The following PLCL2 variants were observed in gnomAD, a reference collection of about 807,000 sequenced individuals.
The protein encoded by PLCL2 is phospholipase C like 2, also known as inactive phospholipase C-like protein 2.
In PLCL2, 4 loss-of-function variants were observed where a neutral mutation model predicts 79.6. That is an observed-to-expected ratio of 0.05 (90% CI 0.02 to 0.11). PLCL2 has a LOEUF of 0.11. PLCL2 is among the 10% of genes least tolerant of loss of function. The probability of loss-of-function intolerance (pLI) is 1.00; values close to 1 mark genes in which losing one functional copy is unlikely to be tolerated. For missense variants in PLCL2, 895 were observed against 1,291.0 expected (o/e 0.69, Z 4.70); for synonymous variants, 484 against 457.7 (o/e 1.06, Z -0.73).
Position 17,012,091 on chromosome 3 carries a change from C to G in PLCL2, c.2745C>G (p.Thr915=). 6.2e-7 allele frequency: 1 copy of G among 1,614,106 alleles called. No homozygotes were observed. The highest frequency in any genetic ancestry group is 1.3e-5 in the African/African-American group (1 of 75,048). The change falls in exon 2 of 6, where the codon ACC becomes ACG. Residue 915 remains threonine, a synonymous_variant. Transcript: ENST00000615277. Reference sequence around the variant, plus strand: ...CTTTGAGAACACTGTGGATTAAAACCGTGGATGAGGTATTCAAGAATGCCC... The same window carrying G: ...CTTTGAGAACACTGTGGATTAAAACGGTGGATGAGGTATTCAAGAATGCCC... The part of the protein sequence containing the change: ...YASLRTLWIK[T]VDEVFKNAQP...
chr3:17,008,910 T>C (rs2064291488), intron 1 of PLCL2, among the ~76,000 whole-genome samples: 1 of 152,132 alleles, frequency 6.6e-6, no homozygotes, highest in African/African-American at 2.4e-5. Context: ...CTCAATCTCC[T>C]GGGCTCAAGC....
intron 1 of PLCL2, among the ~76,000 whole-genome samples, chr3:16,946,887 G>T (rs1039883836): frequency 3.3e-4 from 50 of 149,356 alleles, no homozygotes; most frequent in African/African-American, 1.2e-3. Context: ...ATCAGGGAGA[G>T]CTTTTCTTTT....
intron 1 of PLCL2, among the ~76,000 whole-genome samples, chr3:16,999,184 T>G (rs1393053533): frequency 6.6e-6 from 1 of 152,142 alleles, no homozygotes; most frequent in Non-Finnish European, 1.5e-5. Context: ...CCTATGGGTG[T>G]GGGGATGCAG....
At chr3:16,958,845 A>T (rs1389929319) in intron 1 of PLCL2, among the ~76,000 whole-genome samples, 3 of 152,242 alleles carry the variant, frequency 2.0e-5, no homozygotes, top group Non-Finnish European at 4.4e-5. Context: ...CTGCCAGATC[A>T]GGCTGCTGGT....
chr3:16,923,778 A>C (rs1559486865), intron 1 of PLCL2, among the ~76,000 whole-genome samples: 2 of 152,104 alleles, frequency 1.3e-5, no homozygotes, highest in South Asian at 2.1e-4. Flanking sequence ...GTGTCCTACC[A>C]GTTTCTTAGA....
intron 1 of PLCL2, among the ~76,000 whole-genome samples, chr3:16,922,752 GA>G (rs1697152828): frequency 1.4e-5 from 2 of 141,412 alleles, no homozygotes; most frequent in African/African-American, 4.9e-5. Flanking sequence ...AATATATTAA[GA>G]AAAAAATAAT....
At chr3:16,978,891 T>G (rs1223052320) in intron 1 of PLCL2, among the ~76,000 whole-genome samples, 3 of 152,244 alleles carry the variant, frequency 2.0e-5, no homozygotes, top group Non-Finnish European at 4.4e-5. Context: ...TAATTTTCTT[T>G]TAGCCAGCCC....
chr3:16,968,950 A>T (rs2063832141), intron 1 of PLCL2, among the ~76,000 whole-genome samples: 1 of 152,098 alleles, frequency 6.6e-6, no homozygotes, highest in Non-Finnish European at 1.5e-5. Flanking sequence ...GAGGGTTTTT[A>T]ACACGAAGGA....
At chr3:16,910,808 T>C (rs545465623) in intron 1 of PLCL2, among the ~76,000 whole-genome samples, 15 of 152,284 alleles carry the variant, frequency 9.9e-5, no homozygotes, top group Non-Finnish European at 2.2e-4. Flanking sequence ...CTTTCTTAGT[T>C]TGATAATATC....
chr3:17,044,917 A>ATCC (rs2064765017), intron 4 of PLCL2, among the ~76,000 whole-genome samples: 1 of 152,226 alleles, frequency 6.6e-6, no homozygotes, highest in Admixed American at 6.5e-5. Flanking sequence ...GATTTTGATT[A>ATCC]GGATGGGGGG....
chr3:17,044,054 C>T (rs2064756479), intron 4 of PLCL2: 2 of 152,240 alleles, frequency 1.3e-5, no homozygotes, highest in Admixed American at 1.3e-4. Context: ...GAATACTTAC[C>T]GTGTGTTACT....
chr3:16,891,808 G>T (rs1012836543), intron 1 of PLCL2, among the ~76,000 whole-genome samples: 3 of 152,160 alleles, frequency 2.0e-5, no homozygotes, highest in Non-Finnish European at 4.4e-5. Context: ...AGCCCCATGA[G>T]ATTCCCCTCT....
intron 1 of PLCL2, among the ~76,000 whole-genome samples, chr3:16,914,568 T>C (rs1432441574): frequency 6.6e-6 from 1 of 151,860 alleles, no homozygotes; most frequent in Admixed American, 6.6e-5. Flanking sequence ...TATTAAAATA[T>C]GTAGGTATCT....
chr3:16,929,709 G>C (rs531581536), intron 1 of PLCL2, among the ~76,000 whole-genome samples: 2 of 152,270 alleles, frequency 1.3e-5, no homozygotes, highest in African/African-American at 4.8e-5. Flanking sequence ...CCAAATCTTG[G>C]AGGCCTGGGG....
intron 1 of PLCL2, among the ~76,000 whole-genome samples, chr3:16,899,984 T>C (rs763600249): frequency 1.3e-5 from 2 of 152,178 alleles, no homozygotes; most frequent in Non-Finnish European, 2.9e-5. Flanking sequence ...TTATTTTGGT[T>C]CACTGTGGCT....
chr3:16,951,508 T>G (rs1359121407), intron 1 of PLCL2, among the ~76,000 whole-genome samples: 1 of 152,110 alleles, frequency 6.6e-6, no homozygotes, highest in African/African-American at 2.4e-5. Flanking sequence ...GTTTCTTGAT[T>G]TCTCATTCAT....
intron 1 of PLCL2, among the ~76,000 whole-genome samples, chr3:16,889,045 C>G (rs1429091655): frequency 6.6e-6 from 1 of 152,168 alleles, no homozygotes. Context: ...CAATGGCAAT[C>G]TTCGGTTCTT....
intron 1 of PLCL2, among the ~76,000 whole-genome samples, chr3:16,917,114 G>A (rs912738785): frequency 1.3e-5 from 2 of 152,124 alleles, no homozygotes; most frequent in African/African-American, 4.8e-5. Context: ...CTTCACATCC[G>A]GATGTACATA....
At chr3:16,992,606 CA>C (rs1242305882) in intron 1 of PLCL2, among the ~76,000 whole-genome samples, 1 of 152,140 alleles carries the variant, frequency 6.6e-6, no homozygotes, top group Non-Finnish European at 1.5e-5. Context: ...CCAGTGCCTG[CA>C]GGGCTCCCCT....
Sources: allele counts gnomAD v4.1 joint callset (sites outside exome capture counted in the v4.1 genomes callset), GRCh38; gene constraint gnomAD v4.1.1; transcripts MANE v1.5; gene names NCBI Gene and HGNC (gene_info 2026-07-23, HGNC 2026-07-21).